The following THNSL2 variants were observed in gnomAD, a reference collection of about 807,000 sequenced individuals.
The protein encoded by THNSL2 is threonine synthase-like 2.
Under a neutral mutation model 40.0 loss-of-function variants are expected in THNSL2, and 34 were observed. The observed-to-expected ratio is 0.85, with a 90% confidence interval of 0.65 to 1.13. The LOEUF (loss-of-function observed/expected upper bound fraction) is 1.13, where lower values mean the gene tolerates loss of function less well. Ranked by LOEUF, THNSL2 falls within the 50% of genes most tolerant of loss-of-function variation. The pLI, the probability that THNSL2 is intolerant of heterozygous loss-of-function variation, is 0.00. For missense variants in THNSL2, 537 were observed against 608.8 expected, an observed-to-expected ratio of 0.88 and a Z score of 1.24; for synonymous variants, 241 against 247.5, an observed-to-expected ratio of 0.97 and a Z score of 0.25.
At chr2:88,185,646 C>T (rs1247587843) in intron 8 of THNSL2, 167 bp downstream of exon 8, 10 of 1,551,468 alleles carry the variant, frequency 6.4e-6, no homozygotes, top group African/African-American at 4.1e-5. Context: ...GAAGAGGGAG[C>T]GTGACAGATA....
At chr2:88,180,669 A>C (rs917599891) in intron 5 of THNSL2, among the ~76,000 whole-genome samples, 2 of 152,270 alleles carry the variant, frequency 1.3e-5, no homozygotes, top group African/African-American at 4.8e-5. Context: ...TAAACTGCTC[A>C]CGAAAGCACC....
rs1436420052 is a variant in THNSL2 at position 88,185,884 on chromosome 2, C to T, written c.1230-14C>T. 1.3e-6 allele frequency: 2 copies of T among 1,587,154 alleles called. No individual in the cohort carries two copies. Among genetic ancestry groups the T allele is most frequent in the South Asian group, 1.1e-5 (1 of 86,984 alleles). On this transcript the variant is annotated splice_polypyrimidine_tract_variant and intron_variant, in intron 8 of 8. Coordinates refer to ENST00000674334, the MANE Select transcript of THNSL2 (RefSeq NM_018271.5). Reference sequence around the variant, plus strand: ...TCATTGTCCTCCGGGTGCCACCTGCCCCCATCCCCACAGCACTCCCCGGTG... The same window carrying T: ...TCATTGTCCTCCGGGTGCCACCTGCTCCCATCCCCACAGCACTCCCCGGTG...
chr2:88,175,548 G>T, intron 4 of THNSL2, 147 bp downstream of exon 4: 1 of 1,014,038 alleles, frequency 9.9e-7, no homozygotes, highest in East Asian at 2.6e-5. Context: ...TGTATGCCTT[G>T]GCTCAGCTCT....
At chr2:88,182,510 A>G (rs1677792336) in intron 5 of THNSL2, 189 bp from the exon 6 acceptor site, 2 of 525,054 alleles carry the variant, frequency 3.8e-6, no homozygotes, top group East Asian at 6.0e-5. Flanking sequence ...CAAATCCCTT[A>G]TCAGATATAT....
rs1389471333 is a variant in THNSL2 at position 88,185,969 on chromosome 2, C to T, written c.1301C>T (p.Thr434Ile). 1.2e-6 allele frequency: 2 copies of T among 1,613,038 alleles called. No homozygotes were observed. Among genetic ancestry groups the T allele is most frequent in the Non-Finnish European group, 8.5e-7 (1 of 1,179,806 alleles). Residue 434 changes from threonine to isoleucine, a missense_variant, in exon 9 of 9, where the codon ACC (threonine) becomes ATC (isoleucine). Coordinates refer to ENST00000674334, the MANE Select transcript of THNSL2 (RefSeq NM_018271.5). ...FPEAVLAAGLTPETPAEIVAL... is the reference protein window; with the variant it reads ...FPEAVLAAGLIPETPAEIVAL... ...GAAGCTGTCCTGGCTGCTGGCCTGA[C>T]CCCTGAGACTCCCGCGGAGATCGTA...
chr2:88,186,120 G>C lies in THNSL2; in HGVS notation c.1452G>C (p.Gln484His). 1 of 1,553,584 alleles carries C rather than the reference G, an allele frequency of 6.4e-7. No individual in the cohort carries two copies. The highest frequency in any genetic ancestry group is 1.4e-5 in the African/African-American group (1 of 73,342). Residue 484 changes from glutamine to histidine, a missense_variant, in exon 9 of 9, where the codon CAG becomes CAC. By Grantham distance (24) the Gln-to-His change is conservative (BLOSUM62 0). Transcript: ENST00000674334. ...QWRSHALNTS[Q>H] Reference sequence around the variant, plus strand: ...GGAGTCATGCCCTCAACACCTCCCAGTAGCCTGGCTGGAGGTGGCTTTCTT... The same window carrying C: ...GGAGTCATGCCCTCAACACCTCCCACTAGCCTGGCTGGAGGTGGCTTTCTT...
At chr2:88,172,280 T>G (rs538799174) in intron 1 of THNSL2, 14 of 152,396 alleles carry the variant, frequency 9.2e-5, no homozygotes, top group Non-Finnish European at 1.6e-4. Flanking sequence ...GTGACCAGTG[T>G]TAGGCCTAAG....
Position 88,178,858 on chromosome 2 carries a change from A to G in THNSL2, c.647A>G (p.Asn216Ser), listed in dbSNP as rs1429680047. 3.1e-6 allele frequency: 5 copies of G among 1,614,082 alleles called. No homozygotes were observed. Among genetic ancestry groups the G allele is most frequent in the Middle Eastern group, 1.6e-4 (1 of 6,084 alleles). The part of the protein sequence containing the change: ...FADVAFVKKH[N>S]LMSLNSINWS... ...GATGTGGCTTTTGTCAAGAAGCACA[A>G]TCTGATGAGCCTGAATTCGATCAAC... The change falls in exon 5 of 9, where the codon AAT becomes AGT. Residue 216 changes from asparagine to serine, a missense_variant. Asn to Ser is a conservative substitution (Grantham distance 46, BLOSUM62 1). Coordinates refer to ENST00000674334, the MANE Select transcript of THNSL2 (RefSeq NM_018271.5).
Position 88,186,155 on chromosome 2 carries a change from G to C in THNSL2, c.*32G>C. The stretch of plus-strand genomic sequence containing the variant: ...TGGAGGTGGCTTTCTTTAGGCTTCA[G>C]ATCCCAGGAAGATGCACCTTCTGAG... On this transcript the variant is annotated 3_prime_UTR_variant, in exon 9 of 9. Transcript: ENST00000674334. 1 of 1,547,110 alleles carries C rather than the reference G, an allele frequency of 6.5e-7. No homozygotes were observed. The highest frequency in any genetic ancestry group is 1.2e-5 in the South Asian group (1 of 83,954).
At chr2:88,185,651 C>T in intron 8 of THNSL2, 172 bp downstream of exon 8, 3 of 1,551,508 alleles carry the variant, frequency 1.9e-6, no homozygotes, top group Non-Finnish European at 2.6e-6. Context: ...GGGAGCGTGA[C>T]AGATATCCCA....
chr2:88,173,916 A>C (rs1307859629), intron 2 of THNSL2, among the ~76,000 whole-genome samples: 1 of 152,198 alleles, frequency 6.6e-6, no homozygotes, highest in African/African-American at 2.4e-5. Flanking sequence ...TGTCCAGATA[A>C]TACTAGACTA....
Position 88,174,647 on chromosome 2 carries a change from G to C in THNSL2, c.232G>C (p.Asp78His). Residue 78 changes from aspartate to histidine, a missense_variant, in exon 3 of 9, where the codon GAC becomes CAC. By Grantham distance (81) the Asp-to-His change is moderately conservative. Coordinates refer to ENST00000674334, the MANE Select transcript of THNSL2 (RefSeq NM_018271.5). ...CCCCACTACCCTCACAGATCTGATC[G>C]ACCGAGCCTTCAGCAGATTCCGTCA... ...LPKDELNDLIDRAFSRFRHRE... is the reference protein window; with the variant it reads ...LPKDELNDLIHRAFSRFRHRE... The C allele has an allele frequency of 6.2e-7, 1 of 1,613,858 alleles. No individual in the cohort carries two copies. The highest frequency in any genetic ancestry group is 8.5e-7 in the Non-Finnish European group (1 of 1,179,884).
At chr2:88,182,474 C>T in intron 5 of THNSL2, 2 of 400,340 alleles carry the variant, frequency 5.0e-6, no homozygotes, top group Non-Finnish European at 8.7e-6. Context: ...TATTGAGTTG[C>T]AACAGTTCTT....
intron 7 of THNSL2, among the ~76,000 whole-genome samples, chr2:88,184,138 C>T (rs1678001008): frequency 6.6e-6 from 1 of 152,192 alleles, no homozygotes; most frequent in South Asian, 2.1e-4. Flanking sequence ...CCAATGCAGA[C>T]TGGAGTGGAA....
At chr2:88,183,618 T>G (rs1677938204) in intron 7 of THNSL2, 1 of 152,030 alleles carries the variant, frequency 6.6e-6, no homozygotes, top group South Asian at 2.1e-4. Context: ...CTTCCCTCTC[T>G]CCTTCCTCCT....
intron 4 of THNSL2, chr2:88,175,679 A>G (rs1165689069): frequency 5.7e-5 from 22 of 386,928 alleles, no homozygotes; most frequent in African/African-American, 2.6e-4. Flanking sequence ...ACCTCCATGC[A>G]TGTCCAACCT....
rs764527693 is a variant in THNSL2 at position 88,173,296 on chromosome 2, T to A, written c.146T>A (p.Leu49His). 2.0e-5 allele frequency: 32 copies of A among 1,612,590 alleles called. No individual in the cohort carries two copies. In the African/African-American group the frequency reaches 4.0e-4, roughly 20 times the overall value. ...GGGACCCTGTGCCAGTGGAGCACAC[T>A]CTCCTATCCTGGCCTGGTGAAGGAG... Reference protein sequence around the residue: ...DRGTLCQWSTLSYPGLVKELC... With the variant: ...DRGTLCQWSTHSYPGLVKELC... The change falls in exon 2 of 9, where the codon CTC becomes CAC. Residue 49 changes from leucine (L) to histidine (H), a missense_variant. Coordinates refer to ENST00000674334, the MANE Select transcript of THNSL2 (RefSeq NM_018271.5).
intron 7 of THNSL2, among the ~76,000 whole-genome samples, chr2:88,184,107 A>G (rs1677998771): frequency 6.6e-6 from 1 of 152,238 alleles, no homozygotes; most frequent in African/African-American, 2.4e-5. Flanking sequence ...AGTTGGATGC[A>G]GTTCTCTAGG....
chr2:88,174,607 C>T, intron 2 of THNSL2, 32 bp from the exon 3 acceptor site: 1 of 1,597,218 alleles, frequency 6.3e-7, no homozygotes, highest in African/African-American at 1.3e-5. Context: ...GACCAGGCCC[C>T]TCATTGGCTA....
Sources: allele counts gnomAD v4.1 joint callset (sites outside exome capture counted in the v4.1 genomes callset), GRCh38; gene constraint gnomAD v4.1.1; transcripts MANE v1.5; gene names NCBI Gene and HGNC (gene_info 2026-07-23, HGNC 2026-07-21).